The following HIF1A variants were observed in gnomAD, a reference collection of about 807,000 sequenced individuals.
The protein encoded by HIF1A is hypoxia inducible factor 1 subunit alpha.
In HIF1A, 24 loss-of-function variants were observed where a neutral mutation model predicts 92.7. That is an observed-to-expected ratio of 0.26 (90% CI 0.19 to 0.36). The LOEUF (loss-of-function observed/expected upper bound fraction) is 0.36, where lower values mean the gene tolerates loss of function less well. Ranked by LOEUF, HIF1A falls within the 10% of genes least tolerant of loss-of-function variation. The pLI is 1.00. For missense variants in HIF1A, 799 were observed against 998.5 expected (o/e 0.80, Z 2.69); for synonymous variants, 319 against 338.7 (o/e 0.94, Z 0.64).
intron 4 of HIF1A, among the ~76,000 whole-genome samples, chr14:61,725,289 G>A (rs936970017): frequency 5.3e-5 from 8 of 152,108 alleles, no homozygotes; most frequent in African/African-American, 1.9e-4. Context: ...GAAAGGTGGC[G>A]TATCTTACTC....
Position 61,744,685 on chromosome 14 carries a change from TAGAATTTTTTTCTTTTC to T in HIF1A, c.2094-15_2095del, listed in dbSNP as rs763949669. ...TTTTTAAAAACGCTATATTTTCATT[TAGAATTTTTTTCTTTTC>T]AGAACTACAGTTCCTGAGGAAGAAC... On this transcript the variant is annotated splice_region_variant and splice_polypyrimidine_tract_variant and intron_variant, in intron 12 of 14. Coordinates refer to ENST00000337138, the MANE Select transcript of HIF1A (RefSeq NM_001530.4). The T allele has an allele frequency of 9.4e-7, 1 of 1,061,866 alleles. No homozygotes were observed. The highest frequency in any genetic ancestry group is 1.4e-5 in the South Asian group (1 of 72,188). The allele number at this position is 1,061,866 out of a possible 1,614,324, so 65.8% of individuals were successfully genotyped here.
intron 1 of HIF1A, chr14:61,698,965 C>T (rs889889187): frequency 2.0e-5 from 3 of 152,112 alleles, no homozygotes; most frequent in Non-Finnish European, 4.4e-5. Context: ...AAACATTTTT[C>T]GTCTTGATGC....
In HIF1A at chr14:61,738,652, C is replaced by G. The variant is rs543235943; in HGVS notation, c.1536+279C>G. Among the ~76,000 whole-genome samples the G allele has an allele frequency of 1.8e-3, 281 of 152,248 alleles. 2 individuals carry two copies. Among genetic ancestry groups the G allele is most frequent in the Middle Eastern group, 0.014 (4 of 294 alleles). Reference sequence around the variant, plus strand: ...TTCTCTATTATTTATATCAGTAGGACAAAAACATCTTGAATTTGGACATTT... The same window carrying G: ...TTCTCTATTATTTATATCAGTAGGAGAAAAACATCTTGAATTTGGACATTT... On this transcript the variant is annotated intron_variant, in intron 10 of 14. Coordinates refer to ENST00000337138, the MANE Select transcript of HIF1A (RefSeq NM_001530.4).
intron 1 of HIF1A, among the ~76,000 whole-genome samples, chr14:61,716,351 C>T (rs987978987): frequency 5.3e-5 from 8 of 152,098 alleles, no homozygotes; most frequent in African/African-American, 9.7e-5. Context: ...GAAATACTGA[C>T]GCAAGTGCAA....
chr14:61,744,626 A>C, intron 12 of HIF1A, 79 bp from the exon 13 acceptor site: 1 of 584,776 alleles, frequency 1.7e-6, no homozygotes, highest in Non-Finnish European at 3.1e-6. Flanking sequence ...CTAAAGAATT[A>C]TGTATTTTCT....
intron 1 of HIF1A, among the ~76,000 whole-genome samples, chr14:61,717,257 CAAG>C (rs1302402524): frequency 1.3e-5 from 2 of 152,138 alleles, no homozygotes; most frequent in East Asian, 3.8e-4. Context: ...TGTGACTAGA[CAAG>C]AAGCCGGGCA....
At chr14:61,696,693 T>A (rs1594852137) in intron 1 of HIF1A, among the ~76,000 whole-genome samples, 1 of 152,116 alleles carries the variant, frequency 6.6e-6, no homozygotes, top group Non-Finnish European at 1.5e-5. Context: ...TAGGGGCTGG[T>A]TAAATTTAGG....
In HIF1A at chr14:61,714,026, GA is replaced by G. The variant is rs34106499; in HGVS notation, c.36-6350del. Among the ~76,000 whole-genome samples the G allele has an allele frequency of 2.1e-3, 314 of 152,202 alleles. 1 individual carries two copies. Among genetic ancestry groups the G allele is most frequent in the Admixed American group, 5.9e-3 (90 of 15,296 alleles). The stretch of plus-strand genomic sequence containing the variant: ...TGCTGTGGTGTGGGAGCAGAGGGGG[GA>G]AAAAAGCTGTTGGAGAGTTTTTTCC... On this transcript the variant is annotated intron_variant, in intron 1 of 14. Coordinates refer to ENST00000337138, the MANE Select transcript of HIF1A (RefSeq NM_001530.4).
At chr14:61,741,210 G>A (rs2044706857) in intron 12 of HIF1A, 22 bp downstream of exon 12, 4 of 1,473,786 alleles carry the variant, frequency 2.7e-6, no homozygotes, top group South Asian at 1.3e-5. Context: ...TAACATTCAA[G>A]TTATAGTTCT....
chr14:61,740,917 C>A lies in HIF1A; in HGVS notation c.1822C>A (p.Gln608Lys). ...TACAGTATTCCAGCAGACTCAAATA[C>A]AAGAACCTACTGCTAATGCCACCAC... Reference protein sequence around the residue: ...TVTVFQQTQIQEPTANATTTT... With the variant: ...TVTVFQQTQIKEPTANATTTT... Residue 608 changes from glutamine (Q) to lysine (K), a missense_variant, in exon 12 of 15, where the codon CAA becomes AAA. Around this residue, in one of 2 missense-constraint regions of HIF1A, gnomAD observed 283 missense variants for 277.5 expected, o/e 1.02. Transcript: ENST00000337138. The A allele has an allele frequency of 6.2e-7, 1 of 1,614,196 alleles. No individual in the cohort carries two copies. Among genetic ancestry groups the A allele is most frequent in the Non-Finnish European group, 8.5e-7 (1 of 1,180,032 alleles).
intron 1 of HIF1A, among the ~76,000 whole-genome samples, chr14:61,707,670 T>G (rs1030089382): frequency 8.6e-5 from 13 of 151,780 alleles, no homozygotes; most frequent in African/African-American, 3.1e-4. Flanking sequence ...TATTCCATGG[T>G]GTATATGTGC....
chr14:61,699,954 T>A (rs1433580947), intron 1 of HIF1A, among the ~76,000 whole-genome samples: 8 of 152,210 alleles, frequency 5.3e-5, no homozygotes. Context: ...CTGTTTTGTA[T>A]ATGCGTTGAG....
chr14:61,705,015 T>G (rs1467235821), intron 1 of HIF1A, among the ~76,000 whole-genome samples: 1 of 152,130 alleles, frequency 6.6e-6, no homozygotes, highest in Non-Finnish European at 1.5e-5. Flanking sequence ...CATTGGCCAG[T>G]CTGCTTTTAG....
chr14:61,718,911 A>G (rs903385760), intron 1 of HIF1A, among the ~76,000 whole-genome samples: 4 of 150,674 alleles, frequency 2.7e-5, no homozygotes, highest in Non-Finnish European at 4.4e-5. Flanking sequence ...TCAAAGTTCA[A>G]TAACATGCTT....
intron 10 of HIF1A, among the ~76,000 whole-genome samples, chr14:61,739,302 G>T (rs1183407345): frequency 6.6e-6 from 1 of 152,068 alleles, no homozygotes; most frequent in Non-Finnish European, 1.5e-5. Context: ...AGGCTAGGCT[G>T]GCCAAGACTT....
intron 13 of HIF1A, among the ~76,000 whole-genome samples, chr14:61,745,406 G>C (rs2044767663): frequency 6.6e-6 from 1 of 152,184 alleles, no homozygotes; most frequent in African/African-American, 2.4e-5. Context: ...CTGGGTAAGA[G>C]AGTGAGAGTC....
intron 13 of HIF1A, 77 bp downstream of exon 13, chr14:61,744,890 TGTG>T (rs2044759299): frequency 2.1e-5 from 13 of 607,654 alleles, no homozygotes; most frequent in Non-Finnish European, 3.5e-5. Flanking sequence ...TGTGTGTGTG[TGTG>T]TTTCCACGTT....
intron 6 of HIF1A, among the ~76,000 whole-genome samples, chr14:61,727,945 G>A (rs547901852): frequency 6.6e-6 from 1 of 151,660 alleles, no homozygotes; most frequent in East Asian, 1.9e-4. Context: ...TTGAACCTGG[G>A]AGGTGGATGT....
intron 1 of HIF1A, 99 bp downstream of exon 1, chr14:61,695,938 G>GC: frequency 2.7e-6 from 3 of 1,129,066 alleles, no homozygotes; most frequent in Non-Finnish European, 3.8e-6. Context: ...ATGGGATTGG[G>GC]GGGGGCAGCC....
Sources: gnomAD v4.1 joint callset for allele counts (sites outside exome capture counted in the v4.1 genomes callset) on GRCh38, gnomAD v4.1.1 for gene constraint, gnomAD v4.1.1 regional missense constraint, MANE v1.5 for transcripts, NCBI Gene and HGNC (gene_info 2026-07-23, HGNC 2026-07-21) for gene names.